The following GALC variants were observed in gnomAD, a reference collection of about 807,000 sequenced individuals.
The protein encoded by GALC is galactocerebrosidase.
Under a neutral mutation model 91.8 loss-of-function variants are expected in GALC, and 77 were observed. That is an observed-to-expected ratio of 0.84 (90% confidence interval 0.70 to 1.01). GALC has a LOEUF of 1.01. GALC is among the 50% of genes least tolerant of loss of function. The pLI, the probability that GALC is intolerant of heterozygous loss-of-function variation, is 0.00. For missense variants in GALC, 882 were observed against 855.9 expected (o/e 1.03, Z -0.38); for synonymous variants, 357 against 306.7 (o/e 1.16, Z -1.71).
Position 87,967,758 on chromosome 14 carries a change from A to G in GALC, c.908+577T>C, listed in dbSNP as rs565503902. Among the ~76,000 whole-genome samples, 3 of 152,310 alleles carry G rather than the reference A, an allele frequency of 2.0e-5. No homozygotes were observed. The South Asian group carries it at 6.2e-4, about 32-fold the overall frequency. ...ACCAGCCTGGTCTTTTCAACAGATCACTGTCATCAAAAATGAGGAATAAGG... is the reference window on the plus strand; with the variant it reads ...ACCAGCCTGGTCTTTTCAACAGATCGCTGTCATCAAAAATGAGGAATAAGG... On this transcript the variant is annotated intron_variant, in intron 8 of 16. Coordinates refer to ENST00000261304, the MANE Select transcript of GALC (RefSeq NM_000153.4).
At chr14:87,987,947 T>C (rs1262993041) in intron 3 of GALC, 197 bp downstream of exon 3, 2 of 571,970 alleles carry the variant, frequency 3.5e-6, no homozygotes, top group East Asian at 2.9e-5. Context: ...AGTTTGAATA[T>C]TGTTTTTGAT....
intron 7 of GALC, among the ~76,000 whole-genome samples, chr14:87,970,107 T>G (rs1389859498): frequency 6.6e-6 from 1 of 152,126 alleles, no homozygotes; most frequent in Admixed American, 6.5e-5. Context: ...AAAATTACAC[T>G]TTAGATTTAT....
chr14:87,959,240 T>A (rs144371214), intron 10 of GALC, among the ~76,000 whole-genome samples: 1,919 of 152,212 alleles, frequency 0.013, 20 homozygotes, highest in Non-Finnish European at 0.02. Flanking sequence ...TCACTAATCA[T>A]CAGGGAAATG....
rs1257435092 is a variant in GALC at position 87,945,671 on chromosome 14, T to C, written c.1552A>G (p.Thr518Ala). 1 of 1,611,158 alleles carries C rather than the reference T, an allele frequency of 6.2e-7. No individual in the cohort carries two copies. Among genetic ancestry groups the C allele is most frequent in the Non-Finnish European group, 8.5e-7 (1 of 1,177,710 alleles). The change falls in exon 14 of 17, where the codon ACA becomes GCA. Residue 518 changes from threonine to alanine, a missense_variant. Transcript: ENST00000261304. The stretch of plus-strand genomic sequence containing the variant: ...TGCTCGCCAGGGTCTTCAATATTTG[T>C]AAAATATTCAAATACACCAGTTTGA... ...ADQTGVFEYF[T>A]NIEDPGEHHF... is the part of the protein sequence containing the mutation.
At position 87,986,545 on chromosome 14, in the gene GALC, T is replaced by C; in HGVS notation, c.386A>G (p.Tyr129Cys). 1 of 1,613,892 alleles carries C rather than the reference T, an allele frequency of 6.2e-7. No individual in the cohort carries two copies. Among genetic ancestry groups the C allele is most frequent in the Non-Finnish European group, 8.5e-7 (1 of 1,179,794 alleles). The change falls in exon 4 of 17, where the codon TAC becomes TGC. Residue 129 changes from tyrosine to cysteine, a missense_variant. Physicochemically the swap from Tyr to Cys is radical, Grantham distance 194. Coordinates refer to ENST00000261304, the MANE Select transcript of GALC (RefSeq NM_000153.4). ...YALDENYFRG[Y>C]EWWLMKEAKK... ...AGCTTCTTTCATCAACCACCACTCG[T>C]ATCCTCGGAAATAATTCTCATCTAG...
At position 87,948,914 on chromosome 14, in the gene GALC, G is replaced by C. The variant is rs117642150; in HGVS notation, c.1338+931C>G. On this transcript the variant is annotated intron_variant, in intron 12 of 16. Transcript: ENST00000261304. ...ACTTGTGTCAATTAAGTGAAATAAT[G>C]TGCTTGTTTGGGCCAATTCGTTCTT... Among the ~76,000 whole-genome samples the C allele has an allele frequency of 4.3e-3, 658 of 152,144 alleles. 2 individuals are homozygous for C. The highest frequency in any genetic ancestry group is 6.9e-3 in the Non-Finnish European group (466 of 67,980).
intron 15 of GALC, 114 bp downstream of exon 15, chr14:87,941,281 T>C: frequency 1.4e-6 from 1 of 726,270 alleles, no homozygotes; most frequent in Non-Finnish European, 2.4e-6. Flanking sequence ...CCCAATTAGA[T>C]GTCCAAACAC....
chr14:87,965,597 T>C lies in GALC; in HGVS notation c.941A>G (p.Tyr314Cys), dbSNP rs1595215209. ...GCATCTCCCATAAGGCAACTGTTCATAGTAACTAGCCACTAAATTCCATGC... is the reference window on the plus strand; with the variant it reads ...GCATCTCCCATAAGGCAACTGTTCACAGTAACTAGCCACTAAATTCCATGC... ...TIAWNLVASY[Y>C]EQLPYGRCGL... is the part of the protein sequence containing the mutation. The change falls in exon 9 of 17, where the codon TAT (tyrosine) becomes TGT (cysteine). Residue 314 changes from tyrosine to cysteine, a missense_variant. Transcript: ENST00000261304. The C allele has an allele frequency of 6.2e-7, 1 of 1,613,434 alleles. No homozygotes were observed.
Position 87,965,499 on chromosome 14 carries a change from C to A in GALC, c.1033+6G>T. 1 of 1,613,266 alleles carries A rather than the reference C, an allele frequency of 6.2e-7. No individual in the cohort carries two copies. The highest frequency in any genetic ancestry group is 8.5e-7 in the Non-Finnish European group (1 of 1,179,460). On this transcript the variant is annotated splice_donor_region_variant and intron_variant, in intron 9 of 16. Coordinates refer to ENST00000261304, the MANE Select transcript of GALC (RefSeq NM_000153.4). ...TTAGGGAGTGAGAGATGGAACTGAACCATACCTGATACCCAGACAGGAGAT... is the reference window on the plus strand; with the variant it reads ...TTAGGGAGTGAGAGATGGAACTGAAACATACCTGATACCCAGACAGGAGAT...
chr14:87,964,294 G>A (rs186487550), intron 9 of GALC, among the ~76,000 whole-genome samples: 1 of 152,002 alleles, frequency 6.6e-6, no homozygotes, highest in East Asian at 1.9e-4. Flanking sequence ...ATCTGTCTTA[G>A]GAGAGCACAA....
chr14:87,977,667 C>T lies in GALC; in HGVS notation c.622-1179G>A, dbSNP rs528773865. 3.9e-5 allele frequency among the ~76,000 whole-genome samples: 6 copies of T among 152,292 alleles called. No individual in the cohort carries two copies. The South Asian group carries it at 1.2e-3, about 32-fold the overall frequency. On this transcript the variant is annotated intron_variant, in intron 6 of 16. Transcript: ENST00000261304. ...GGCACATAGCAGCAGATGCTCAATA[C>T]TACTGGTTGAAGAAATTAAGAAAGA...
chr14:87,947,276 A>C (rs1885110944), intron 13 of GALC, among the ~76,000 whole-genome samples: 1 of 115,032 alleles, frequency 8.7e-6, no homozygotes, highest in South Asian at 3.2e-4. Flanking sequence ...AGAAAGCTCA[A>C]TTAAAAAAAA....
intron 14 of GALC, among the ~76,000 whole-genome samples, chr14:87,945,255 A>G (rs1885021736): frequency 6.6e-6 from 1 of 152,176 alleles, no homozygotes; most frequent in African/African-American, 2.4e-5. Flanking sequence ...GTCTATTTAT[A>G]AACAAATATT....
rs184508621 is a variant in GALC, at chr14:87,959,238, C to T, written c.1161+4146G>A. On this transcript the variant is annotated intron_variant, in intron 10 of 16. Coordinates refer to ENST00000261304, the MANE Select transcript of GALC (RefSeq NM_000153.4). Reference sequence around the variant, plus strand: ...TGAAAAAATACTCAACATCACTAATCATCAGGGAAATGCAAATCAAAACCA... The same window carrying T: ...TGAAAAAATACTCAACATCACTAATTATCAGGGAAATGCAAATCAAAACCA... Among the ~76,000 whole-genome samples the T allele has an allele frequency of 4.5e-4, 69 of 152,256 alleles. No homozygotes were observed. In the East Asian group the frequency reaches 0.012, roughly 26 times the overall value.
intron 4 of GALC, 44 bp downstream of exon 4, chr14:87,986,445 A>G (rs1417752513): frequency 8.2e-7 from 1 of 1,213,144 alleles, no homozygotes; most frequent in South Asian, 1.2e-5. Context: ...TTTAAAAGTT[A>G]AAGGAAAAGA....
At chr14:87,952,561 A>C (rs1885356623) in intron 10 of GALC, 4 of 992,152 alleles carry the variant, frequency 4.0e-6, no homozygotes, top group Non-Finnish European at 6.3e-6. Context: ...GTATCACAAC[A>C]CACAGTTTCT....
intron 13 of GALC, 21 bp from the exon 14 acceptor site, chr14:87,945,754 T>C (rs1483596300): frequency 6.3e-7 from 1 of 1,587,816 alleles, no homozygotes; most frequent in Non-Finnish European, 8.6e-7. Context: ...TGTAAGAAAT[T>C]CTCTGTTTAG....
intron 10 of GALC, among the ~76,000 whole-genome samples, chr14:87,961,180 T>C (rs545373517): frequency 4.6e-5 from 7 of 152,306 alleles, no homozygotes; most frequent in African/African-American, 1.4e-4. Context: ...CCAAAGAAGA[T>C]ATACTACTAG....
intron 16 of GALC, among the ~76,000 whole-genome samples, chr14:87,935,214 A>G (rs186057803): frequency 2.8e-4 from 42 of 152,246 alleles, no homozygotes; most frequent in African/African-American, 9.9e-4. Context: ...AAATTTAACA[A>G]AAGTTATTTA....
Sources: gnomAD v4.1 joint callset for allele counts (sites outside exome capture counted in the v4.1 genomes callset) on GRCh38, gnomAD v4.1.1 for gene constraint, MANE v1.5 for transcripts, NCBI Gene and HGNC (gene_info 2026-07-23, HGNC 2026-07-21) for gene names.